The following FNBP1 variants were observed in gnomAD, a reference collection of about 807,000 sequenced individuals.
The protein encoded by FNBP1 is formin binding protein 1, also known as formin-binding protein 1.
A neutral mutation model predicts 90.6 loss-of-function variants in FNBP1; 26 were observed. The observed-to-expected ratio is 0.29, with a 90% CI of 0.21 to 0.40. FNBP1 has a LOEUF of 0.40. Among genes scored for constraint, FNBP1 ranks in the 10% least tolerant of loss-of-function variants. The probability of loss-of-function intolerance (pLI) is 1.00; values close to 1 mark genes in which losing one functional copy is unlikely to be tolerated. For missense variants in FNBP1, 635 were observed against 768.0 expected (o/e 0.83, Z 2.05); for synonymous variants, 260 against 265.2 (o/e 0.98, Z 0.19).
rs1375237815 is a variant in FNBP1, at chr9:129,900,414, C to T, written c.1550+12G>A. On this transcript the variant is annotated intron_variant, in intron 14 of 16. Coordinates refer to ENST00000446176, the MANE Select transcript of FNBP1 (RefSeq NM_015033.3). This position sits in a 1 kb window ranked among gnomAD's most constrained non-coding sequence, Gnocchi z 4.1. ...TCCCTTGCCAGAGGCAGGCGCTGTGCAGATACTGTACCTCTCACGGTCCTG... is the reference window on the plus strand; with the variant it reads ...TCCCTTGCCAGAGGCAGGCGCTGTGTAGATACTGTACCTCTCACGGTCCTG... 2 of 1,559,226 alleles carry T rather than the reference C, an allele frequency of 1.3e-6. No homozygotes were observed. The highest frequency in any genetic ancestry group is 1.7e-6 in the Non-Finnish European group (2 of 1,156,970).
Position 129,888,347 on chromosome 9 carries a change from A to T in FNBP1, c.*2192T>A, listed in dbSNP as rs1031738738. 1.7e-5 allele frequency: 4 copies of T among 232,730 alleles called. No homozygotes were observed. Among genetic ancestry groups the T allele is most frequent in the Admixed American group, 5.6e-5 (1 of 17,772 alleles). The allele number at this position is 232,730 out of a possible 1,614,324, so 14.4% of individuals were successfully genotyped here. A position where few individuals can be genotyped will look rare whatever the true frequency, so the allele number is the denominator to read the frequency against. On this transcript the variant is annotated 3_prime_UTR_variant, in exon 17 of 17. Coordinates refer to ENST00000446176, the MANE Select transcript of FNBP1 (RefSeq NM_015033.3). ...GTGGTCCACTTGACTTGGTGAGGTC[A>T]GAAGTTCCTGAAGATCCCTGTCGTC... is the stretch of plus-strand genomic sequence containing the variant.
At chr9:129,961,732 G>A (rs988185670) in intron 4 of FNBP1, among the ~76,000 whole-genome samples, 8 of 151,838 alleles carry the variant, frequency 5.3e-5, no homozygotes, top group South Asian at 2.1e-4. Context: ...ATACAGGTGC[G>A]ACCCACCACG....
intron 1 of FNBP1, among the ~76,000 whole-genome samples, chr9:130,022,134 C>CA (rs2057894791): frequency 6.6e-6 from 1 of 152,162 alleles, no homozygotes; most frequent in African/African-American, 2.4e-5. Flanking sequence ...GCTAGGATTA[C>CA]AGGCGTGAGC....
At chr9:129,903,411 G>A (rs1215240980) in intron 12 of FNBP1, among the ~76,000 whole-genome samples, 3 of 152,122 alleles carry the variant, frequency 2.0e-5, no homozygotes, top group Admixed American at 1.3e-4. Context: ...GAATGGAAAC[G>A]TGGGAAGATT....
chr9:130,050,055 T>G, the FNBP1 span, among the ~76,000 whole-genome samples: 7 of 152,152 alleles, frequency 4.6e-5, no homozygotes, highest in African/African-American at 1.7e-4. Context: ...GAACTTACAG[T>G]TGATTGGTTG....
At chr9:129,926,482 G>A (rs555116363) in intron 8 of FNBP1, among the ~76,000 whole-genome samples, 4 of 152,234 alleles carry the variant, frequency 2.6e-5, no homozygotes, top group South Asian at 2.1e-4. Flanking sequence ...GTCACAACTC[G>A]GGGAGTGCTA....
chr9:129,926,704 T>C (rs986844807), intron 8 of FNBP1, among the ~76,000 whole-genome samples: 1 of 150,974 alleles, frequency 6.6e-6, no homozygotes, highest in Non-Finnish European at 1.5e-5. Context: ...CTGGCCAATA[T>C]GGTGAAACCC....
the FNBP1 span, among the ~76,000 whole-genome samples, chr9:130,050,849 C>T: frequency 2.7e-5 from 4 of 148,724 alleles, no homozygotes; most frequent in Non-Finnish European, 5.9e-5. Flanking sequence ...GTTTTTGAGA[C>T]AGAGTCTTGC....
chr9:129,993,919 C>T (rs1007392787), intron 2 of FNBP1, among the ~76,000 whole-genome samples: 2 of 152,200 alleles, frequency 1.3e-5, no homozygotes, highest in African/African-American at 4.8e-5. Context: ...GCCACTGCGC[C>T]CGGCCCGAAG....
At chr9:129,971,480 T>G (rs1171397269) in intron 4 of FNBP1, among the ~76,000 whole-genome samples, 2 of 152,000 alleles carry the variant, frequency 1.3e-5, no homozygotes, top group South Asian at 2.1e-4. Context: ...AACTTCTGCC[T>G]TTTGGAATCA....
intron 4 of FNBP1, among the ~76,000 whole-genome samples, chr9:129,961,186 G>A (rs1228573021): frequency 6.6e-6 from 1 of 151,680 alleles, no homozygotes; most frequent in Non-Finnish European, 1.5e-5. Flanking sequence ...GGTGGCGCAT[G>A]CCTGTAATCC....
intron 4 of FNBP1, among the ~76,000 whole-genome samples, chr9:129,976,936 C>T (rs965206392): frequency 2.6e-5 from 4 of 151,982 alleles, no homozygotes; most frequent in Non-Finnish European, 2.9e-5. Flanking sequence ...GAGGCCAAGG[C>T]GGGTAGATCA....
chr9:130,014,017 G>A (rs1285716209), intron 1 of FNBP1: 1 of 456,434 alleles, frequency 2.2e-6, no homozygotes, highest in African/African-American at 2.0e-5. Context: ...AATAGACTAA[G>A]ACAAACCCAC....
chr9:129,943,747 C>T (rs1256840485), intron 6 of FNBP1, among the ~76,000 whole-genome samples: 1 of 152,012 alleles, frequency 6.6e-6, no homozygotes, highest in Non-Finnish European at 1.5e-5. Flanking sequence ...AATCCCAGCA[C>T]TTTGGGAGGC....
intron 11 of FNBP1, among the ~76,000 whole-genome samples, chr9:129,911,586 T>C (rs2039286463): frequency 6.6e-6 from 1 of 152,182 alleles, no homozygotes; most frequent in Non-Finnish European, 1.5e-5. Flanking sequence ...CCCCACACCT[T>C]GCCCTAAGCA....
intron 1 of FNBP1, among the ~76,000 whole-genome samples, chr9:130,023,267 A>G (rs1313263117): frequency 6.6e-6 from 1 of 152,218 alleles, no homozygotes; most frequent in Admixed American, 6.5e-5. Flanking sequence ...ATTCAAAAAT[A>G]CATAAACAAG....
chr9:130,011,006 A>T (rs1389740316), intron 1 of FNBP1, among the ~76,000 whole-genome samples: 1 of 150,798 alleles, frequency 6.6e-6, no homozygotes, highest in African/African-American at 2.4e-5. Flanking sequence ...AAGAATAAGT[A>T]AAAATCAGCC....
rs1160285512 is a variant in FNBP1 at position 129,892,397 on chromosome 9, AC to A, written c.1847-1852del. 8.4e-4 allele frequency among the ~76,000 whole-genome samples: 123 copies of A among 145,858 alleles called. 2 individuals are homozygous for A. The highest frequency in any genetic ancestry group is 4.3e-3 in the Admixed American group (60 of 13,924). On this transcript the variant is annotated intron_variant, in intron 16 of 16. Coordinates refer to ENST00000446176, the MANE Select transcript of FNBP1 (RefSeq NM_015033.3). ...CACACACACACACACACACACACAC[AC>A]ACACACACACACACACACAAAAAGG...
At chr9:129,892,363 G>A (rs988742593) in intron 16 of FNBP1, among the ~76,000 whole-genome samples, 4 of 97,274 alleles carry the variant, frequency 4.1e-5, no homozygotes, top group South Asian at 3.6e-4. Context: ...TAAGCACATC[G>A]TAGACACACA....
Sources: gnomAD v4.1 joint callset for allele counts (sites outside exome capture counted in the v4.1 genomes callset) on GRCh38, gnomAD v4.1.1 for gene constraint, Gnocchi (gnomAD v3.1) non-coding constraint, MANE v1.5 for transcripts, NCBI Gene and HGNC (gene_info 2026-07-23, HGNC 2026-07-21) for gene names.